The following CELF2 variants were observed in gnomAD, a reference collection of about 807,000 sequenced individuals.
CELF2 encodes the protein CUG triplet repeat RNA-binding protein 2.
CELF2 carries 8 observed loss-of-function variants against 62.6 expected under a neutral mutation model. That is an observed-to-expected ratio of 0.13 (90% CI 0.07 to 0.23). The LOEUF (loss-of-function observed/expected upper bound fraction) is 0.23, where lower values mean the gene tolerates loss of function less well. Among genes scored for constraint, CELF2 ranks in the 10% least tolerant of loss-of-function variants. CELF2 has a pLI of 1.00. For missense variants in CELF2, 333 were observed against 671.0 expected, an observed-to-expected ratio of 0.50 and a Z score of 5.56; for synonymous variants, 258 against 250.0, an observed-to-expected ratio of 1.03 and a Z score of -0.30.
At chr10:11,024,436 A>G (rs2058807352) in intron 1 of CELF2, among the ~76,000 whole-genome samples, 1 of 152,126 alleles carries the variant, frequency 6.6e-6, no homozygotes, top group Non-Finnish European at 1.5e-5. Context: ...CCCTGTGTCT[A>G]CTAAAAATAC....
intron 2 of CELF2, among the ~76,000 whole-genome samples, chr10:11,185,281 C>A (rs1366378018): frequency 6.6e-6 from 1 of 151,938 alleles, no homozygotes; most frequent in Admixed American, 6.6e-5. Context: ...CTCAAGTGAT[C>A]CTCTTGTCTT....
intron 1 of CELF2, among the ~76,000 whole-genome samples, chr10:10,853,062 T>C (rs575536012): frequency 1.3e-5 from 2 of 152,198 alleles, no homozygotes; most frequent in African/African-American, 2.4e-5. Context: ...CACTACAGCC[T>C]CCACCTCCTG....
chr10:10,736,018 T>G, the CELF2 span, among the ~76,000 whole-genome samples: 1 of 152,188 alleles, frequency 6.6e-6, no homozygotes, highest in African/African-American at 2.4e-5. Flanking sequence ...TCACCAAACC[T>G]CAATGGATTT....
chr10:10,751,263 A>G, the CELF2 span, among the ~76,000 whole-genome samples: 11 of 152,250 alleles, frequency 7.2e-5, no homozygotes, highest in Non-Finnish European at 1.6e-4. Flanking sequence ...CTGCCCTACA[A>G]GCATTTATGC....
At chr10:11,184,447 A>T (rs2074298983) in intron 2 of CELF2, among the ~76,000 whole-genome samples, 1 of 152,204 alleles carries the variant, frequency 6.6e-6, no homozygotes, top group Non-Finnish European at 1.5e-5. Context: ...GTCCTACTAC[A>T]GTTTCTATAG....
chr10:10,843,826 C>T (rs1042355020), intron 1 of CELF2, among the ~76,000 whole-genome samples: 1 of 151,866 alleles, frequency 6.6e-6, no homozygotes, highest in Admixed American at 6.6e-5. Flanking sequence ...TGAATCTGTC[C>T]CAGTTGTCTT....
the CELF2 span, among the ~76,000 whole-genome samples, chr10:10,553,833 G>C: frequency 6.6e-6 from 1 of 152,172 alleles, no homozygotes; most frequent in African/African-American, 2.4e-5. Context: ...GAAAGAGCTT[G>C]GGGAAGCTCA....
chr10:11,322,834 C>T (rs934710105), intron 11 of CELF2, among the ~76,000 whole-genome samples: 1 of 151,944 alleles, frequency 6.6e-6, no homozygotes, highest in East Asian at 1.9e-4. Flanking sequence ...TGAAAGAGAC[C>T]CTACATCATA....
intron 1 of CELF2, among the ~76,000 whole-genome samples, chr10:10,804,238 ACTAT>A (rs1257438063): frequency 2.0e-5 from 3 of 152,252 alleles, no homozygotes; most frequent in Non-Finnish European, 4.4e-5. Flanking sequence ...TTCTGTCACA[ACTAT>A]ACAACTTTGC....
At chr10:11,114,724 A>G (rs930115568) in intron 1 of CELF2, among the ~76,000 whole-genome samples, 1 of 152,202 alleles carries the variant, frequency 6.6e-6, no homozygotes, top group African/African-American at 2.4e-5. Context: ...GAGAAATTGA[A>G]ATGTATCCTA....
chr10:10,870,465 C>T (rs968095059), intron 1 of CELF2, among the ~76,000 whole-genome samples: 5 of 152,240 alleles, frequency 3.3e-5, no homozygotes, highest in African/African-American at 9.6e-5. Context: ...CTCATGGAAA[C>T]GCCGGTGTGG....
the CELF2 span, among the ~76,000 whole-genome samples, chr10:10,495,487 A>G: frequency 6.6e-6 from 1 of 152,184 alleles, no homozygotes; most frequent in Non-Finnish European, 1.5e-5. Flanking sequence ...AGGTTACTAA[A>G]GAAAACTCAT....
chr10:10,477,864 A>G, the CELF2 span, among the ~76,000 whole-genome samples: 1 of 152,106 alleles, frequency 6.6e-6, no homozygotes, highest in East Asian at 1.9e-4. Flanking sequence ...ACAATGTAGC[A>G]TAGGAATCTT....
At chr10:10,724,952 A>G in the CELF2 span, among the ~76,000 whole-genome samples, 1 of 118,712 alleles carries the variant, frequency 8.4e-6, no homozygotes, top group South Asian at 2.5e-4. Context: ...TAGTTGAGTC[A>G]TAAAACCTAG....
chr10:11,018,134 C>A lies in CELF2; in HGVS notation c.45C>A (p.Val15=). The part of the protein sequence containing the change: ...FKLDFLPDMM[V]EGRLLVPDRI... ...TGGATTTCCTCCCGGACATGATGGT[C>A]GAGGGCCGCCTGCTCGTTCCTGACA... The change falls in exon 1 of 13, where the codon GTC becomes GTA. Residue 15 remains valine, a synonymous_variant. Transcript: ENST00000633077. 6.6e-7 allele frequency: 1 copy of A among 1,522,898 alleles called. No homozygotes were observed. Among genetic ancestry groups the A allele is most frequent in the South Asian group, 1.2e-5 (1 of 84,412 alleles). The allele number at this position is 1,522,898 out of a possible 1,614,324, so 94.3% of individuals were successfully genotyped here.
intron 4 of CELF2, 79 bp downstream of exon 4, chr10:11,249,280 C>T (rs951802829): frequency 1.7e-6 from 2 of 1,154,958 alleles, no homozygotes; most frequent in Non-Finnish European, 2.6e-6. Flanking sequence ...GCGGGAGAAG[C>T]CGGCCCAGCT....
the CELF2 span, among the ~76,000 whole-genome samples, chr10:10,731,720 A>T: frequency 6.6e-6 from 1 of 152,212 alleles, no homozygotes; most frequent in African/African-American, 2.4e-5. Flanking sequence ...TAGCATATTT[A>T]GTATCCATAC....
the CELF2 span, among the ~76,000 whole-genome samples, chr10:10,728,666 C>T: frequency 6.6e-6 from 1 of 152,066 alleles, no homozygotes; most frequent in East Asian, 1.9e-4. Flanking sequence ...TCTTCTGTGT[C>T]ATTTGCTATT....
the CELF2 span, among the ~76,000 whole-genome samples, chr10:10,476,965 C>G: frequency 1.3e-5 from 2 of 151,680 alleles, no homozygotes; most frequent in Non-Finnish European, 2.9e-5. Context: ...TTATAAGGAC[C>G]GACAATGTAA....
Sources: allele counts gnomAD v4.1 joint callset (sites outside exome capture counted in the v4.1 genomes callset), GRCh38; gene constraint gnomAD v4.1.1; transcripts MANE v1.5; gene names NCBI Gene and HGNC (gene_info 2026-07-23, HGNC 2026-07-21).